RASA3: variants seen among roughly 807,000 people sequenced by gnomAD.
The protein encoded by RASA3 is ras GTPase-activating protein 3.
In RASA3, 73 loss-of-function variants were observed where a neutral mutation model predicts 110.0. The ratio of observed to expected loss-of-function variants is 0.66; its 90% confidence interval spans 0.55 to 0.81. RASA3 has a LOEUF of 0.81. Among genes scored for constraint, RASA3 ranks in the 30% least tolerant of loss-of-function variants. The pLI is 0.00. For missense variants in RASA3, 976 were observed against 1,113.2 expected, an observed-to-expected ratio of 0.88 and a Z score of 1.75; for synonymous variants, 500 against 451.4, an observed-to-expected ratio of 1.11 and a Z score of -1.37.
chr13:114,038,348 C>T (rs570354644), intron 4 of RASA3, among the ~76,000 whole-genome samples: 149 of 152,392 alleles, frequency 9.8e-4, no homozygotes, highest in Non-Finnish European at 1.9e-3. Flanking sequence ...GGGAGCAGCA[C>T]GCTGGGGCCC....
At chr13:114,095,675 G>A (rs566604631) in intron 1 of RASA3, among the ~76,000 whole-genome samples, 1 of 152,030 alleles carries the variant, frequency 6.6e-6, no homozygotes, top group East Asian at 1.9e-4. Context: ...AGCAGGCAAG[G>A]CTCAGGAGAG....
chr13:114,032,233 C>T (rs1341472562), intron 4 of RASA3, among the ~76,000 whole-genome samples: 1 of 152,156 alleles, frequency 6.6e-6, no homozygotes, highest in Non-Finnish European at 1.5e-5. Flanking sequence ...GAACCCGGCT[C>T]TATTCTGAAT....
chr13:114,074,336 CTGACTACTCTGGGGCCTCACGTCGGCG>C (rs1474110626), intron 1 of RASA3, among the ~76,000 whole-genome samples: 1 of 152,162 alleles, frequency 6.6e-6, no homozygotes, highest in Non-Finnish European at 1.5e-5. Context: ...CTCTGTGGAT[CTGACTACTCTGGGGCCTCACGTCGGCG>C]GGATCCACAG....
At chr13:114,040,934 G>A (rs185247167) in intron 4 of RASA3, 66 bp downstream of exon 4, 59 of 1,472,020 alleles carry the variant, frequency 4.0e-5, no homozygotes, top group African/African-American at 8.3e-5. Context: ...AGTCGGAGCC[G>A]GGCCCGTCTC....
intron 4 of RASA3, among the ~76,000 whole-genome samples, chr13:114,031,910 G>A (rs1328080008): frequency 6.6e-6 from 1 of 152,136 alleles, no homozygotes; most frequent in Non-Finnish European, 1.5e-5. Flanking sequence ...TGCAGCACGT[G>A]GCCTGGTGCA....
intron 6 of RASA3, 36 bp downstream of exon 6, chr13:114,027,811 G>A (rs1223588952): frequency 6.3e-7 from 1 of 1,595,100 alleles, no homozygotes; most frequent in Non-Finnish European, 8.6e-7. Flanking sequence ...AGCCCCCCAG[G>A]ACCAGAACAG....
At chr13:114,013,412 T>TCTCTCC (rs1451474546) in intron 14 of RASA3, among the ~76,000 whole-genome samples, 164 bp from the exon 15 acceptor site, 27 of 151,374 alleles carry the variant, frequency 1.8e-4, no homozygotes, top group African/African-American at 5.6e-4. Flanking sequence ...CCTCTCTCCC[T>TCTCTCC]CTCTCTGTTT....
At chr13:114,099,501 C>T (rs569180131) in intron 1 of RASA3, among the ~76,000 whole-genome samples, 3 of 151,770 alleles carry the variant, frequency 2.0e-5, no homozygotes, top group Admixed American at 6.6e-5. Context: ...GTCAGCGCTT[C>T]TCAGACCTGT....
At chr13:114,054,305 A>G (rs983669476) in intron 2 of RASA3, among the ~76,000 whole-genome samples, 4 of 152,238 alleles carry the variant, frequency 2.6e-5, no homozygotes, top group African/African-American at 9.6e-5. Context: ...CACACATATC[A>G]CCAAAGACAA....
chr13:114,077,390 G>A (rs866973235), intron 1 of RASA3, among the ~76,000 whole-genome samples: 3 of 143,220 alleles, frequency 2.1e-5, no homozygotes, highest in South Asian at 2.3e-4. Context: ...TGGCACCAAC[G>A]CACCCAATTC....
rs1433591594 is a variant in RASA3, at chr13:114,029,972, G to A, written c.373-85C>T. 3.8e-6 allele frequency: 5 copies of A among 1,312,694 alleles called. No homozygotes were observed. The South Asian group carries it at 5.0e-5, about 13-fold the overall frequency. The allele number at this position is 1,312,694 out of a possible 1,614,324, so 81.3% of individuals were successfully genotyped here. On this transcript the variant is annotated intron_variant, in intron 4 of 23. Coordinates refer to ENST00000334062, the MANE Select transcript of RASA3 (RefSeq NM_007368.4). ...GCCGCGCGCCCAGGGAAAGCCTAGA[G>A]GGCAAAGGGAGCAGGCGGCCCCGCC...
At chr13:113,991,527 C>T (rs975698646) in intron 22 of RASA3, among the ~76,000 whole-genome samples, 4 of 152,206 alleles carry the variant, frequency 2.6e-5, no homozygotes, top group African/African-American at 9.7e-5. Context: ...AGCTGCTTCA[C>T]CCCCGTGGGC....
At chr13:114,098,200 A>G (rs972278794) in intron 1 of RASA3, among the ~76,000 whole-genome samples, 1 of 152,190 alleles carries the variant, frequency 6.6e-6, no homozygotes, top group Non-Finnish European at 1.5e-5. Flanking sequence ...GCCTGTGGTC[A>G]ACAGCTCATC....
chr13:114,059,394 G>A (rs1385308135), intron 2 of RASA3, among the ~76,000 whole-genome samples: 4 of 152,266 alleles, frequency 2.6e-5, no homozygotes, highest in Non-Finnish European at 2.9e-5. Flanking sequence ...TGTGACAGAC[G>A]TCGCTGAAGC....
chr13:114,114,159 T>A lies in RASA3; in HGVS notation c.55+18276A>T, dbSNP rs1432114545. Among the ~76,000 whole-genome samples, 4 of 152,188 alleles carry A rather than the reference T, an allele frequency of 2.6e-5. No homozygotes were observed. The highest frequency in any genetic ancestry group is 7.2e-5 in the African/African-American group (3 of 41,454). ...ATGCAGCTCTCACCATGTCCATCAA[T>A]CCACCCCACCACGGTGAGCGTCTGC... is the stretch of plus-strand genomic sequence containing the variant. On this transcript the variant is annotated intron_variant, in intron 1 of 23. Coordinates refer to ENST00000334062, the MANE Select transcript of RASA3 (RefSeq NM_007368.4). The surrounding 1 kb of genome is among the most constrained non-coding windows in gnomAD (Gnocchi z 4.8).
chr13:113,989,865 G>T (rs981584254), intron 22 of RASA3, among the ~76,000 whole-genome samples: 1 of 152,250 alleles, frequency 6.6e-6, no homozygotes, highest in East Asian at 1.9e-4. Context: ...GATGGGAGAT[G>T]GTTGTGACTT....
intron 4 of RASA3, among the ~76,000 whole-genome samples, chr13:114,033,112 C>T (rs1594358020): frequency 7.9e-5 from 5 of 63,580 alleles, no homozygotes; most frequent in African/African-American, 1.4e-4. Flanking sequence ...CCACACTTGA[C>T]ACCACGTTCC....
At chr13:114,040,338 A>T (rs1356597392) in intron 4 of RASA3, among the ~76,000 whole-genome samples, 1 of 130,634 alleles carries the variant, frequency 7.7e-6, no homozygotes, top group Non-Finnish European at 1.7e-5. Context: ...AACACGCACA[A>T]CCCAAAATCC....
intron 3 of RASA3, among the ~76,000 whole-genome samples, chr13:114,046,634 C>T (rs1259857355): frequency 6.6e-6 from 1 of 152,216 alleles, no homozygotes; most frequent in Non-Finnish European, 1.5e-5. Context: ...ACATGGTACA[C>T]TGGCAGGCGT....
Sources: allele counts gnomAD v4.1 joint callset (sites outside exome capture counted in the v4.1 genomes callset), GRCh38; gene constraint gnomAD v4.1.1; non-coding constraint Gnocchi (gnomAD v3.1); transcripts MANE v1.5; gene names NCBI Gene and HGNC (gene_info 2026-07-23, HGNC 2026-07-21).